PCDH15: variants seen among roughly 807,000 people sequenced by gnomAD.
PCDH15 encodes protocadherin related 15.
In PCDH15, 129 loss-of-function variants were observed where a neutral mutation model predicts 178.5. The observed-to-expected ratio is 0.72, with a 90% CI of 0.63 to 0.84. The LOEUF is 0.84. Ranked by LOEUF, PCDH15 falls within the 40% of genes least tolerant of loss-of-function variation. The pLI is 0.00. For missense variants in PCDH15, 2,230 were observed against 2,099.9 expected (o/e 1.06, Z -1.21); for synonymous variants, 800 against 732.0 (o/e 1.09, Z -1.50).
intron 27 of PCDH15, among the ~76,000 whole-genome samples, chr10:53,865,304 A>C (rs1224982792): frequency 6.6e-6 from 1 of 152,182 alleles, no homozygotes; most frequent in Non-Finnish European, 1.5e-5. Context: ...ATGCATTATA[A>C]ATCCAGTAAA....
At chr10:54,652,691 T>C (rs1344802193) in intron 2 of PCDH15, among the ~76,000 whole-genome samples, 1 of 152,086 alleles carries the variant, frequency 6.6e-6, no homozygotes, top group Non-Finnish European at 1.5e-5. Context: ...AGGGCAACAA[T>C]GTGAAGAGGC....
intron 2 of PCDH15, among the ~76,000 whole-genome samples, chr10:54,976,736 C>T (rs913829585): frequency 6.6e-6 from 1 of 152,144 alleles, no homozygotes; most frequent in South Asian, 2.1e-4. Context: ...GAAATTCTGC[C>T]TACATCTTAG....
intron 2 of PCDH15, among the ~76,000 whole-genome samples, chr10:55,576,096 C>T (rs1033750312): frequency 3.4e-4 from 52 of 152,032 alleles, no homozygotes; most frequent in Non-Finnish European, 1.5e-4. Context: ...TTGTGCAGTC[C>T]AAAATTTGCA....
intron 1 of PCDH15, among the ~76,000 whole-genome samples, chr10:55,254,662 C>A (rs1380010411): frequency 1.3e-5 from 2 of 152,032 alleles, no homozygotes; most frequent in Non-Finnish European, 2.9e-5. Context: ...AAAGGCAAAG[C>A]AATATGAGAT....
chr10:54,145,925 T>C (rs544077232), intron 14 of PCDH15, among the ~76,000 whole-genome samples: 9 of 152,206 alleles, frequency 5.9e-5, no homozygotes, highest in Admixed American at 4.6e-4. Context: ...TTGTTTCCTC[T>C]GCTGGGATAT....
intron 11 of PCDH15, among the ~76,000 whole-genome samples, chr10:54,188,406 T>C (rs2048667828): frequency 6.6e-6 from 1 of 151,874 alleles, no homozygotes; most frequent in Non-Finnish European, 1.5e-5. Flanking sequence ...TAGGTAGCTG[T>C]TGTGTCTATA....
intron 15 of PCDH15, among the ~76,000 whole-genome samples, chr10:54,111,049 T>C (rs2095014042): frequency 1.3e-5 from 2 of 152,192 alleles, no homozygotes; most frequent in African/African-American, 2.4e-5. Context: ...AGACAACTGA[T>C]ACTTATTAGC....
At chr10:54,084,472 CAAAAAATAA>C (rs2094486587) in intron 16 of PCDH15, among the ~76,000 whole-genome samples, 1 of 150,520 alleles carries the variant, frequency 6.6e-6, no homozygotes, top group South Asian at 2.1e-4. Context: ...GACTCCATCT[CAAAAAATAA>C]AAAAAATAAA....
chr10:53,950,651 TAA>T (rs1391560888), intron 23 of PCDH15, among the ~76,000 whole-genome samples: 2 of 152,204 alleles, frequency 1.3e-5, no homozygotes, highest in Non-Finnish European at 2.9e-5. Flanking sequence ...TCAGTGTGTA[TAA>T]GTCTTAGTCC....
At chr10:55,097,410 T>C (rs911980272) in intron 2 of PCDH15, among the ~76,000 whole-genome samples, 3 of 152,130 alleles carry the variant, frequency 2.0e-5, no homozygotes, top group Admixed American at 6.6e-5. Flanking sequence ...TTTAGCCTTC[T>C]GACATATTCA....
chr10:54,655,256 A>AAGAAAGAGAG (rs1189030773), intron 2 of PCDH15, among the ~76,000 whole-genome samples: 5 of 48,906 alleles, frequency 1.0e-4, no homozygotes, highest in Non-Finnish European at 1.9e-4. Flanking sequence ...GAAAGAAAGA[A>AAGAAAGAGAG]AGAGAGAGAG....
At chr10:55,420,833 A>T (rs77634028) in intron 2 of PCDH15, among the ~76,000 whole-genome samples, 28 of 151,850 alleles carry the variant, frequency 1.8e-4, no homozygotes, top group African/African-American at 6.5e-4. Context: ...CATGGGGCTA[A>T]TTCCTAGGAA....
chr10:54,336,428 G>A (rs1300991668), intron 6 of PCDH15, among the ~76,000 whole-genome samples: 4 of 152,132 alleles, frequency 2.6e-5, no homozygotes, highest in Non-Finnish European at 5.9e-5. Flanking sequence ...CGGTTTCATG[G>A]GCCAGGTCCT....
intron 2 of PCDH15, among the ~76,000 whole-genome samples, chr10:55,526,874 T>C (rs1038724606): frequency 6.6e-6 from 1 of 152,080 alleles, no homozygotes; most frequent in African/African-American, 2.4e-5. Flanking sequence ...TAGACATTGC[T>C]AAAATTCTTC....
Position 53,903,340 on chromosome 10 carries a change from T to C in PCDH15, c.3404A>G (p.Gln1135Arg), listed in dbSNP as rs1303595236. 6.2e-7 allele frequency: 1 copy of C among 1,612,940 alleles called. No homozygotes were observed. The highest frequency in any genetic ancestry group is 1.3e-5 in the African/African-American group (1 of 75,022). The change falls in exon 26 of 38, where the codon CAG becomes CGG. Residue 1135 changes from glutamine (Q) to arginine (R), a missense_variant. Coordinates refer to ENST00000644397, the MANE Select transcript of PCDH15 (RefSeq NM_001384140.1). ...SNTAKVYIEI[Q>R]DENNHPPVFQ... ...CACTGGGGGATGATTATTTTCATCC[T>C]GAATCTCAATGTATACTTTAGCTGT... is the stretch of plus-strand genomic sequence containing the variant.
At chr10:55,363,468 GT>G (rs1283071737) in intron 2 of PCDH15, among the ~76,000 whole-genome samples, 5 of 152,108 alleles carry the variant, frequency 3.3e-5, no homozygotes, top group Non-Finnish European at 5.9e-5. Context: ...GTAAGTGTAT[GT>G]TTTGTTTAGC....
chr10:54,470,072 G>A (rs936019106), intron 3 of PCDH15, among the ~76,000 whole-genome samples: 4 of 152,178 alleles, frequency 2.6e-5, no homozygotes, highest in African/African-American at 7.2e-5. Flanking sequence ...CCCCCCGGTA[G>A]TGTTTACAGT....
chr10:55,493,024 G>T (rs1208263257), intron 2 of PCDH15, among the ~76,000 whole-genome samples: 3 of 151,678 alleles, frequency 2.0e-5, no homozygotes, highest in Non-Finnish European at 2.9e-5. Flanking sequence ...TTAGATTAGA[G>T]AATAAATAGA....
At chr10:54,770,170 G>A (rs574648640) in intron 1 of PCDH15, among the ~76,000 whole-genome samples, 3 of 151,962 alleles carry the variant, frequency 2.0e-5, no homozygotes, top group Admixed American at 1.3e-4. Flanking sequence ...ATTTGACTAG[G>A]GCATATGTTT....
Sources: allele counts gnomAD v4.1 joint callset (sites outside exome capture counted in the v4.1 genomes callset), GRCh38; gene constraint gnomAD v4.1.1; transcripts MANE v1.5; gene names NCBI Gene and HGNC (gene_info 2026-07-23, HGNC 2026-07-21).